The following RRAGD variants were observed in gnomAD, a reference collection of about 807,000 sequenced individuals.
RRAGD encodes Ras related GTP binding D, also known as ras-related GTP-binding protein D.
RRAGD carries 12 observed loss-of-function variants against 35.5 expected under a neutral mutation model. That is an observed-to-expected ratio of 0.34 (90% CI 0.22 to 0.55). The LOEUF is 0.55. Among genes scored for constraint, RRAGD ranks in the 20% least tolerant of loss-of-function variants. The pLI is 0.91. For missense variants in RRAGD, 324 were observed against 490.1 expected, an observed-to-expected ratio of 0.66 and a Z score of 3.20; for synonymous variants, 155 against 178.9, an observed-to-expected ratio of 0.87 and a Z score of 1.07.
At chr6:89,393,390 C>G (rs1769273693) in intron 1 of RRAGD, among the ~76,000 whole-genome samples, 1 of 152,164 alleles carries the variant, frequency 6.6e-6, no homozygotes, top group Admixed American at 6.5e-5. Flanking sequence ...TGGAGAATAA[C>G]AGTGAAAACA....
chr6:89,379,464 C>T, intron 3 of RRAGD, 126 bp from the exon 4 acceptor site: 2 of 431,122 alleles, frequency 4.6e-6, no homozygotes, highest in Non-Finnish European at 4.2e-6. Context: ...GTCCAGCCCC[C>T]TTCAGAATTT....
chr6:89,383,469 T>C (rs1453865108), intron 2 of RRAGD, among the ~76,000 whole-genome samples: 5 of 152,204 alleles, frequency 3.3e-5, no homozygotes, highest in Non-Finnish European at 7.4e-5. Context: ...ATTACTTTCT[T>C]TGACAAATAA....
intron 1 of RRAGD, among the ~76,000 whole-genome samples, chr6:89,390,005 G>A (rs574402113): frequency 1.3e-5 from 2 of 152,190 alleles, no homozygotes; most frequent in Non-Finnish European, 2.9e-5. Flanking sequence ...AGACCCTTAT[G>A]TCATACCATA....
intron 1 of RRAGD, among the ~76,000 whole-genome samples, chr6:89,389,609 GCT>G (rs1348112539): frequency 6.6e-6 from 1 of 151,630 alleles, no homozygotes; most frequent in East Asian, 1.9e-4. Context: ...ACCCTGTAGG[GCT>G]CTCTCTTTCC....
intron 1 of RRAGD, among the ~76,000 whole-genome samples, chr6:89,394,280 G>T (rs1362006817): frequency 6.6e-6 from 1 of 150,842 alleles, no homozygotes; most frequent in Non-Finnish European, 1.5e-5. Context: ...ATATCTATAG[G>T]AACAAAAAGA....
At position 89,410,273 on chromosome 6, in the gene RRAGD, C is replaced by A. The variant is rs540801037; in HGVS notation, c.148+1573G>T. Among the ~76,000 whole-genome samples the A allele has an allele frequency of 5.9e-5, 9 of 152,322 alleles. No homozygotes were observed. The East Asian group carries it at 1.2e-3, about 20-fold the overall frequency. On this transcript the variant is annotated intron_variant, in intron 1 of 6. Transcript: ENST00000369415. ...CCTGGATATGGCCCCTCCGCCCCCC[C>A]ACTTTTTTTCTTTTTTAAAAAAGAG...
intron 1 of RRAGD, among the ~76,000 whole-genome samples, chr6:89,402,000 T>C (rs936235418): frequency 6.7e-6 from 1 of 149,012 alleles, no homozygotes; most frequent in Non-Finnish European, 1.5e-5. Context: ...ACTGGGAAGT[T>C]TGGATTTTAC....
intron 2 of RRAGD, among the ~76,000 whole-genome samples, chr6:89,380,647 C>T (rs1769026663): frequency 6.6e-6 from 1 of 152,140 alleles, no homozygotes; most frequent in Non-Finnish European, 1.5e-5. Context: ...GTGGCTCAAG[C>T]CTGTAATCCC....
chr6:89,387,603 CA>C lies in RRAGD; in HGVS notation c.149-14del. The C allele has an allele frequency of 6.2e-7, 1 of 1,601,080 alleles. No homozygotes were observed. The highest frequency in any genetic ancestry group is 8.5e-7 in the Non-Finnish European group (1 of 1,173,106). Reference sequence around the variant, plus strand: ...CTGAAGTCCAGAACTGGAGAAACCACAAAATGAGAATGAAGGTGAGATGCTT... The same window carrying C: ...CTGAAGTCCAGAACTGGAGAAACCACAAATGAGAATGAAGGTGAGATGCTT... On this transcript the variant is annotated splice_polypyrimidine_tract_variant and intron_variant, in intron 1 of 6. Transcript: ENST00000369415.
chr6:89,377,900 T>C (rs1045898747), intron 4 of RRAGD, 87 bp from the exon 5 acceptor site: 6 of 984,950 alleles, frequency 6.1e-6, no homozygotes, highest in Non-Finnish European at 8.9e-6. Flanking sequence ...CCATTCTTAA[T>C]GTAAAATACA....
chr6:89,385,145 T>C (rs897509546), intron 2 of RRAGD, among the ~76,000 whole-genome samples: 7 of 152,218 alleles, frequency 4.6e-5, no homozygotes, highest in Non-Finnish European at 1.0e-4. Context: ...GCCTTCAATT[T>C]AAAAATAGGC....
chr6:89,405,164 CA>C (rs1390498040), intron 1 of RRAGD, among the ~76,000 whole-genome samples: 1 of 151,884 alleles, frequency 6.6e-6, no homozygotes, highest in Non-Finnish European at 1.5e-5. Context: ...TCCTGGCTAA[CA>C]CGGTGAAAAC....
At position 89,380,305 on chromosome 6, in the gene RRAGD, A is replaced by G. The variant is rs16881819; in HGVS notation, c.507T>C (p.Asn169=). The G allele has an allele frequency of 4.4e-3, 7,131 of 1,614,224 alleles. 258 individuals are homozygous for G. In the African/African-American group the frequency reaches 0.079, roughly 18 times the overall value. The change falls in exon 3 of 7, where the codon AAT becomes AAC. Residue 169 remains asparagine (N), a synonymous_variant. Coordinates refer to ENST00000369415, the MANE Select transcript of RRAGD (RefSeq NM_021244.5). ...HLTVTRAYKV[N]TDINFEVFIH... ...TAAACACCTCGAAGTTGATGTCAGT[A>G]TTCACTTTGTAGGCCCTGGTCACCG... is the stretch of plus-strand genomic sequence containing the variant.
At chr6:89,389,373 G>A (rs1370090663) in intron 1 of RRAGD, among the ~76,000 whole-genome samples, 1 of 151,952 alleles carries the variant, frequency 6.6e-6, no homozygotes, top group Non-Finnish European at 1.5e-5. Flanking sequence ...GGCTAACACG[G>A]TGAAACTCCA....
intron 6 of RRAGD, among the ~76,000 whole-genome samples, chr6:89,369,205 G>C (rs1446253930): frequency 6.6e-6 from 1 of 152,150 alleles, no homozygotes; most frequent in Non-Finnish European, 1.5e-5. Context: ...TGCAGAGAGA[G>C]TGAACCACTA....
In RRAGD at chr6:89,375,718, A is replaced by G. The variant is rs187626073; in HGVS notation, c.902+1953T>C. On this transcript the variant is annotated intron_variant, in intron 5 of 6. Coordinates refer to ENST00000369415, the MANE Select transcript of RRAGD (RefSeq NM_021244.5). ...AGGACTGGCTTGTTGCTGCTCCAGC[A>G]AACAATCTGAGGAAACCCCAGAGCC... Among the ~76,000 whole-genome samples, 4 of 152,366 alleles carry G rather than the reference A, an allele frequency of 2.6e-5. No homozygotes were observed. In the East Asian group the frequency reaches 7.7e-4, roughly 29 times the overall value.
chr6:89,407,400 G>A (rs555870531), intron 1 of RRAGD, among the ~76,000 whole-genome samples: 1 of 152,352 alleles, frequency 6.6e-6, no homozygotes, highest in South Asian at 2.1e-4. Context: ...TACTTTGGGA[G>A]GCCAAGGCAG....
Position 89,367,954 on chromosome 6 carries a change from T to C in RRAGD, c.*102A>G. ...TTTTTTTTTTTTAACAACAAATCAA[T>C]GGTATGTGTCCCAATCTCCTTCTTC... On this transcript the variant is annotated 3_prime_UTR_variant, in exon 7 of 7. Transcript: ENST00000369415. 1.0e-6 allele frequency: 1 copy of C among 1,002,338 alleles called. No individual in the cohort carries two copies. The highest frequency in any genetic ancestry group is 2.6e-5 in the East Asian group (1 of 37,998). 62.1% of individuals were successfully genotyped at this position (1,002,338 alleles called of 1,614,324 possible). A position where few individuals can be genotyped will look rare whatever the true frequency, so the allele number is the denominator to read the frequency against.
chr6:89,378,243 G>A (rs7453411), intron 4 of RRAGD, among the ~76,000 whole-genome samples: 60,636 of 151,296 alleles, frequency 0.4, 12,265 homozygotes, highest in South Asian at 0.49. Flanking sequence ...CGGAGGTAGC[G>A]GTGAGCCGAG....
Sources: allele counts gnomAD v4.1 joint callset (sites outside exome capture counted in the v4.1 genomes callset), GRCh38; gene constraint gnomAD v4.1.1; transcripts MANE v1.5; gene names NCBI Gene and HGNC (gene_info 2026-07-23, HGNC 2026-07-21).